The following SMC1B variants were observed in gnomAD, a reference collection of about 807,000 sequenced individuals.
SMC1B encodes structural maintenance of chromosomes 1B.
Under a neutral mutation model 157.9 loss-of-function variants are expected in SMC1B, and 60 were observed. That is an observed-to-expected ratio of 0.38 (90% CI 0.31 to 0.47). SMC1B has a LOEUF of 0.47. Among genes scored for constraint, SMC1B ranks in the 20% least tolerant of loss-of-function variants. The pLI, the probability that SMC1B is intolerant of heterozygous loss-of-function variation, is 0.99. For synonymous variants in SMC1B, 445 were observed against 483.0 expected, an observed-to-expected ratio of 0.92 and a Z score of 1.03; for missense variants, 1,165 against 1,426.2, an observed-to-expected ratio of 0.82 and a Z score of 2.95.
chr22:45,400,780 T>C (rs758068942), intron 5 of SMC1B, among the ~76,000 whole-genome samples: 3 of 152,194 alleles, frequency 2.0e-5, no homozygotes, highest in Non-Finnish European at 4.4e-5. Flanking sequence ...ACACATGATA[T>C]AGTACATGAT....
intron 19 of SMC1B, among the ~76,000 whole-genome samples, chr22:45,358,390 G>C (rs908606973): frequency 6.6e-6 from 1 of 152,192 alleles, no homozygotes; most frequent in Non-Finnish European, 1.5e-5. Context: ...GGCCAGTCTT[G>C]TGGGACTGAG....
In SMC1B at chr22:45,402,379, G is replaced by T; in HGVS notation, c.808C>A (p.His270Asn). Reference protein sequence around the residue: ...ENIVKARKKEHGMLTRQLQQT... With the variant: ...ENIVKARKKENGMLTRQLQQT... The stretch of plus-strand genomic sequence containing the variant: ...TGTAGTTGTCTAGTTAGCATTCCAT[G>T]TTCCTTTTTCCTGGCTTTAACTATG... The change falls in exon 5 of 25, where the codon CAT becomes AAT. Residue 270 changes from histidine to asparagine, a missense_variant. Transcript: ENST00000357450. 3 of 1,613,614 alleles carry T rather than the reference G, an allele frequency of 1.9e-6. 1 individual carries two copies. In the South Asian group the frequency reaches 3.3e-5, roughly 18 times the overall value.
chr22:45,352,399 T>TC, intron 22 of SMC1B, 52 bp downstream of exon 22: 1 of 1,530,988 alleles, frequency 6.5e-7, no homozygotes, highest in Non-Finnish European at 8.8e-7. Context: ...TGTAGGAAGG[T>TC]CCCCTTGGCT....
rs74318027 is a variant in SMC1B at position 45,367,774 on chromosome 22, C to T, written c.2420+2180G>A. 7.3e-3 allele frequency among the ~76,000 whole-genome samples: 1,113 copies of T among 152,234 alleles called. 18 individuals carry two copies. Among genetic ancestry groups the T allele is most frequent in the African/African-American group, 0.026 (1,074 of 41,534 alleles). ...GGGAAATTTTTCTGCACACTTGGTG[C>T]CTGACATATTGGGATAAGGGCACCA... On this transcript the variant is annotated intron_variant, in intron 15 of 24. Transcript: ENST00000357450.
At position 45,353,914 on chromosome 22, in the gene SMC1B, AAAAAAAC is replaced by A. The variant is rs1197862490; in HGVS notation, c.3273+57_3273+63del. On this transcript the variant is annotated intron_variant, in intron 21 of 24. Transcript: ENST00000357450. ...CCACCAAAAAAAAAAAAAAAAAAAA[AAAAAAAC>A]AACCACCACCGGTAACACAGAATTC... is the stretch of plus-strand genomic sequence containing the variant. 759 of 786,076 alleles carry A rather than the reference AAAAAAAC, an allele frequency of 9.7e-4. 16 individuals are homozygous for A. Among genetic ancestry groups the A allele is most frequent in the East Asian group, 3.0e-3 (75 of 25,066 alleles). 48.7% of individuals were successfully genotyped at this position (786,076 alleles called of 1,614,324 possible).
chr22:45,366,706 T>G (rs923646650), intron 15 of SMC1B, among the ~76,000 whole-genome samples: 1 of 152,204 alleles, frequency 6.6e-6, no homozygotes, highest in Admixed American at 6.5e-5. Flanking sequence ...GAGACTAGCC[T>G]GGCCAACGTG....
intron 2 of SMC1B, among the ~76,000 whole-genome samples, chr22:45,407,553 C>A (rs116149402): frequency 0.01 from 1,536 of 152,026 alleles, 25 homozygotes; most frequent in African/African-American, 0.035. Flanking sequence ...CCTAGACCTC[C>A]CGGACTCAAG....
At position 45,346,138 on chromosome 22, in the gene SMC1B, G is replaced by A. The variant is rs187179631; in HGVS notation, c.3496-569C>T. On this transcript the variant is annotated intron_variant, in intron 23 of 24. Transcript: ENST00000357450. The stretch of plus-strand genomic sequence containing the variant: ...GAAAATCGCTTGAACCCGGGAGGTA[G>A]AGGTTGCAGTGAGCCGAGATTGTGC... 1.1e-3 allele frequency among the ~76,000 whole-genome samples: 164 copies of A among 152,334 alleles called. 1 individual carries two copies. The highest frequency in any genetic ancestry group is 8.3e-3 in the South Asian group (40 of 4,824).
chr22:45,356,727 CTTTTTTT>C (rs1174032906), intron 19 of SMC1B, among the ~76,000 whole-genome samples: 8 of 126,438 alleles, frequency 6.3e-5, no homozygotes, highest in East Asian at 2.3e-4. Flanking sequence ...TTTTTCTTTT[CTTTTTTT>C]TTTTTTTTTT....
chr22:45,388,253 A>ATG (rs1602080675), intron 10 of SMC1B, among the ~76,000 whole-genome samples: 2 of 152,182 alleles, frequency 1.3e-5, no homozygotes, highest in East Asian at 3.9e-4. Flanking sequence ...GTGTGTGTGT[A>ATG]TGTGTGTGTA....
chr22:45,410,811 T>G (rs1272894059), intron 1 of SMC1B, among the ~76,000 whole-genome samples: 2 of 152,096 alleles, frequency 1.3e-5, no homozygotes, highest in Non-Finnish European at 2.9e-5. Context: ...GTTTTAGAGG[T>G]TTAGGGTCTT....
At chr22:45,397,997 C>T (rs2087145269) in intron 6 of SMC1B, among the ~76,000 whole-genome samples, 1 of 152,158 alleles carries the variant, frequency 6.6e-6, no homozygotes, top group African/African-American at 2.4e-5. Context: ...CTGCCCTCTG[C>T]TGGCAGAGGG....
intron 15 of SMC1B, among the ~76,000 whole-genome samples, chr22:45,368,399 T>C (rs1044465606): frequency 6.6e-6 from 1 of 152,190 alleles, no homozygotes; most frequent in Non-Finnish European, 1.5e-5. Context: ...ACTTGGTTAT[T>C]TATAGGTGAC....
intron 6 of SMC1B, among the ~76,000 whole-genome samples, chr22:45,396,990 A>G (rs1332725690): frequency 2.0e-5 from 3 of 152,224 alleles, no homozygotes; most frequent in African/African-American, 4.8e-5. Flanking sequence ...ACTAGATGGC[A>G]AAAACATGTA....
intron 4 of SMC1B, among the ~76,000 whole-genome samples, chr22:45,405,346 G>T (rs572217900): frequency 2.0e-5 from 3 of 152,016 alleles, no homozygotes; most frequent in East Asian, 3.9e-4. Flanking sequence ...AGATCACGAG[G>T]TCAGGAGAAT....
At chr22:45,350,821 G>A (rs1324605562) in intron 22 of SMC1B, among the ~76,000 whole-genome samples, 1 of 152,036 alleles carries the variant, frequency 6.6e-6, no homozygotes, top group Non-Finnish European at 1.5e-5. Context: ...AGCAAATTCC[G>A]TCTGCACAAC....
chr22:45,368,913 A>G (rs1602061784), intron 15 of SMC1B, among the ~76,000 whole-genome samples: 1 of 152,308 alleles, frequency 6.6e-6, no homozygotes, highest in East Asian at 1.9e-4. Flanking sequence ...CTGTGAAGCT[A>G]TCTGTACCTG....
At chr22:45,390,499 A>C (rs779939719) in intron 9 of SMC1B, among the ~76,000 whole-genome samples, 1 of 151,768 alleles carries the variant, frequency 6.6e-6, no homozygotes, top group Non-Finnish European at 1.5e-5. Flanking sequence ...TGGGGTCAAG[A>C]GATCGAGACC....
At chr22:45,369,512 T>G (rs1187749790) in intron 15 of SMC1B, among the ~76,000 whole-genome samples, 2 of 151,990 alleles carry the variant, frequency 1.3e-5, no homozygotes, top group Non-Finnish European at 2.9e-5. Flanking sequence ...TAGATCTCTT[T>G]GTAAGAATAT....
Sources: allele counts gnomAD v4.1 joint callset (sites outside exome capture counted in the v4.1 genomes callset), GRCh38; gene constraint gnomAD v4.1.1; transcripts MANE v1.5; gene names NCBI Gene and HGNC (gene_info 2026-07-23, HGNC 2026-07-21).